TBC1D22A: variants seen among roughly 807,000 people sequenced by gnomAD.
The protein encoded by TBC1D22A is putative GTPase activator.
TBC1D22A carries 38 observed loss-of-function variants against 60.2 expected under a neutral mutation model. The ratio of observed to expected loss-of-function variants is 0.63; its 90% CI spans 0.49 to 0.83. The LOEUF (loss-of-function observed/expected upper bound fraction) is 0.83, where lower values mean the gene tolerates loss of function less well. Ranked by LOEUF, TBC1D22A falls within the 40% of genes least tolerant of loss-of-function variation. The pLI is 0.00. For synonymous variants in TBC1D22A, 302 were observed against 281.7 expected (o/e 1.07, Z -0.72); for missense variants, 628 against 701.0 (o/e 0.90, Z 1.18).
intron 10 of TBC1D22A, among the ~76,000 whole-genome samples, chr22:47,012,334 GC>G (rs1227897981): frequency 6.6e-6 from 1 of 152,122 alleles, no homozygotes; most frequent in Non-Finnish European, 1.5e-5. Flanking sequence ...CAGCCCTCCT[GC>G]CCCTGAGCCA....
At chr22:47,106,070 G>A (rs1053429207) in intron 11 of TBC1D22A, among the ~76,000 whole-genome samples, 28 of 152,200 alleles carry the variant, frequency 1.8e-4, no homozygotes, top group African/African-American at 6.8e-4. Context: ...GAAACAAATT[G>A]TGACAAAGTT....
chr22:46,920,504 C>T (rs180861027), intron 8 of TBC1D22A, among the ~76,000 whole-genome samples: 1 of 152,238 alleles, frequency 6.6e-6, no homozygotes, highest in African/African-American at 2.4e-5. Flanking sequence ...CTCATGGAGG[C>T]TGTGATTCTG....
rs117983371 is a variant in TBC1D22A at position 47,065,442 on chromosome 22, C to T, written c.1329+28244C>T. 2.1e-4 allele frequency among the ~76,000 whole-genome samples: 32 copies of T among 152,328 alleles called. 1 individual carries two copies. The East Asian group carries it at 5.8e-3, about 28-fold the overall frequency. The stretch of plus-strand genomic sequence containing the variant: ...CTGTGCAGGTGGTAGCCTTTCTCCA[C>T]GGGGCAGGGCTCACGACCCTCCTGC... On this transcript the variant is annotated intron_variant, in intron 11 of 12. Transcript: ENST00000337137.
intron 12 of TBC1D22A, chr22:47,116,700 T>TGCCCAGCCTGGGAGCC (rs1452300123): frequency 7.9e-5 from 12 of 152,338 alleles, no homozygotes; most frequent in African/African-American, 2.9e-4. Context: ...CAGCCCGAGC[T>TGCCCAGCCTGGGAGCC]GCCCAGCCTG....
intron 1 of TBC1D22A, chr22:46,774,074 C>T (rs980830863): frequency 5.1e-6 from 5 of 985,492 alleles, no homozygotes; most frequent in Admixed American, 6.1e-5. Context: ...TGGAGGTGTT[C>T]CTCCCGCCCC....
At chr22:46,828,497 C>T (rs1443685651) in intron 4 of TBC1D22A, among the ~76,000 whole-genome samples, 1 of 152,256 alleles carries the variant, frequency 6.6e-6, no homozygotes, top group Admixed American at 6.5e-5. Context: ...CTGGAGTTCA[C>T]ACTCTCCCTG....
chr22:47,061,367 C>A (rs1340633169), intron 11 of TBC1D22A, among the ~76,000 whole-genome samples: 1 of 152,136 alleles, frequency 6.6e-6, no homozygotes, highest in African/African-American at 2.4e-5. Flanking sequence ...CTCCTCCCCT[C>A]ACTCTCTCCT....
chr22:47,171,805 G>C (rs950835435), intron 12 of TBC1D22A, among the ~76,000 whole-genome samples: 2 of 152,184 alleles, frequency 1.3e-5, no homozygotes, highest in East Asian at 3.9e-4. Context: ...CTCAGTGGAC[G>C]TAGGTCAGTC....
intron 7 of TBC1D22A, among the ~76,000 whole-genome samples, chr22:46,898,928 A>G (rs1247861935): frequency 6.6e-6 from 1 of 152,122 alleles, no homozygotes; most frequent in Non-Finnish European, 1.5e-5. Flanking sequence ...CTCCCTCTGC[A>G]GTGGGTCTTG....
At chr22:46,921,271 A>G (rs182988743) in intron 8 of TBC1D22A, among the ~76,000 whole-genome samples, 104 of 152,032 alleles carry the variant, frequency 6.8e-4, no homozygotes, top group Admixed American at 1.2e-3. Context: ...CCTGGTGTCT[A>G]TTGTTTGCTT....
intron 10 of TBC1D22A, among the ~76,000 whole-genome samples, chr22:47,012,575 T>C (rs137873774): frequency 1.9e-3 from 296 of 152,318 alleles, no homozygotes; most frequent in African/African-American, 6.8e-3. Flanking sequence ...CTCTGTTTCT[T>C]TCTAAGCCCT....
intron 9 of TBC1D22A, among the ~76,000 whole-genome samples, chr22:46,975,184 C>T (rs546043063): frequency 3.3e-5 from 5 of 152,094 alleles, no homozygotes; most frequent in African/African-American, 9.7e-5. Flanking sequence ...TCTAGACACT[C>T]GCTTCCTGTG....
intron 11 of TBC1D22A, among the ~76,000 whole-genome samples, chr22:47,068,090 C>T (rs1177849901): frequency 6.6e-6 from 1 of 152,260 alleles, no homozygotes; most frequent in Non-Finnish European, 1.5e-5. Flanking sequence ...GAGAGGGGCT[C>T]CCCTGTCTGG....
chr22:46,922,260 T>C (rs891188541), intron 8 of TBC1D22A, among the ~76,000 whole-genome samples: 1 of 152,192 alleles, frequency 6.6e-6, no homozygotes, highest in South Asian at 2.1e-4. Context: ...GTTTTTGTTA[T>C]TGTGCCATGT....
intron 11 of TBC1D22A, among the ~76,000 whole-genome samples, chr22:47,091,262 T>G (rs934248130): frequency 3.8e-3 from 230 of 60,416 alleles, no homozygotes; most frequent in East Asian, 6.0e-3. Flanking sequence ...CTCGCAGAGG[T>G]TGTGGCTGCT....
At chr22:47,132,827 T>C (rs1176028309) in intron 12 of TBC1D22A, among the ~76,000 whole-genome samples, 3 of 150,472 alleles carry the variant, frequency 2.0e-5, no homozygotes, top group Non-Finnish European at 4.5e-5. Flanking sequence ...CTCCCGAGTG[T>C]CCGCGGAAAC....
At chr22:47,147,158 G>A (rs1199756245) in intron 12 of TBC1D22A, among the ~76,000 whole-genome samples, 1 of 152,214 alleles carries the variant, frequency 6.6e-6, no homozygotes, top group African/African-American at 2.4e-5. Flanking sequence ...GGCGGGCACT[G>A]TCCATCACGG....
chr22:47,043,435 T>C (rs2062917616), intron 11 of TBC1D22A, among the ~76,000 whole-genome samples: 2 of 152,112 alleles, frequency 1.3e-5, no homozygotes, highest in Non-Finnish European at 2.9e-5. Flanking sequence ...GTGAGAGACA[T>C]AGCATGGTCA....
intron 4 of TBC1D22A, among the ~76,000 whole-genome samples, chr22:46,819,575 C>T (rs544674955): frequency 2.0e-5 from 3 of 152,278 alleles, no homozygotes; most frequent in East Asian, 1.9e-4. Context: ...CCTTGAATCC[C>T]AGGGATGAAG....
Sources: allele counts gnomAD v4.1 joint callset (sites outside exome capture counted in the v4.1 genomes callset), GRCh38; gene constraint gnomAD v4.1.1; transcripts MANE v1.5; gene names NCBI Gene and HGNC (gene_info 2026-07-23, HGNC 2026-07-21).